ZNF717: variants seen among roughly 807,000 people sequenced by gnomAD.
ZNF717 encodes the protein zinc finger protein 717, also known as krueppel-like factor X17.
A neutral mutation model predicts 13.8 loss-of-function variants in ZNF717; 9 were observed. The ratio of observed to expected loss-of-function variants is 0.65; its 90% CI spans 0.39 to 1.14. The LOEUF (loss-of-function observed/expected upper bound fraction) is 1.14, where lower values mean the gene tolerates loss of function less well. Among genes scored for constraint, ZNF717 ranks in the 50% most tolerant of loss-of-function variants. The pLI is 0.01. For missense variants in ZNF717, 1,040 were observed against 1,080.7 expected (o/e 0.96, Z 0.53); for synonymous variants, 327 against 364.1 (o/e 0.90, Z 1.16).
At chr3:75,779,049 C>T (rs111760618) in intron 2 of ZNF717, among the ~76,000 whole-genome samples, 2,931 of 110,258 alleles carry the variant, frequency 0.027, 141 homozygotes, top group African/African-American at 0.094. Context: ...GGGAGTGATG[C>T]GCAAAAACCG....
At chr3:75,697,452 G>A (rs1284980415) in intron 6 of ZNF717, among the ~76,000 whole-genome samples, 1 of 152,286 alleles carries the variant, frequency 6.6e-6, no homozygotes, top group East Asian at 1.9e-4. Flanking sequence ...ATAATAGTAA[G>A]TGAGTTCCTA....
downstream of ZNF717, among the ~76,000 whole-genome samples, chr3:75,735,485 G>A (rs1264199923): frequency 7.6e-5 from 1 of 13,226 alleles, no homozygotes; most frequent in African/African-American, 2.9e-4. Context: ...GCCAGGTATT[G>A]TGGTGCATAC....
chr3:75,745,164 TTTTC>T (rs1284204830), intron 2 of ZNF717, among the ~76,000 whole-genome samples: 20 of 141,442 alleles, frequency 1.4e-4, no homozygotes, highest in South Asian at 6.5e-4. Context: ...TTGTTTTTTT[TTTTC>T]TTTCTGTCTT....
At chr3:75,761,178 G>C in intron 2 of ZNF717, among the ~76,000 whole-genome samples, 1 of 152,340 alleles carries the variant, frequency 6.6e-6, no homozygotes, top group Non-Finnish European at 1.5e-5. Context: ...TCCAGGTCCA[G>C]ATAACTTCAC....
chr3:75,762,809 CA>C (rs562881022), intron 2 of ZNF717, among the ~76,000 whole-genome samples: 201 of 147,152 alleles, frequency 1.4e-3, no homozygotes, highest in African/African-American at 4.0e-3. Flanking sequence ...TGCAATAAGC[CA>C]AAAAAAAAAT....
intron 4 of ZNF717, among the ~76,000 whole-genome samples, chr3:75,721,806 C>T (rs1938173008): frequency 6.6e-6 from 1 of 151,632 alleles, no homozygotes; most frequent in African/African-American, 2.4e-5. Context: ...ATGAGTTTTG[C>T]AGCCACTTTG....
At position 75,753,738 on chromosome 3, in the gene ZNF717, T is replaced by C. The variant is rs905542128; in HGVS notation, c.58-12002A>G. Among the ~76,000 whole-genome samples, 26 of 129,618 alleles carry C rather than the reference T, an allele frequency of 2.0e-4. 1 individual carries two copies. Among genetic ancestry groups the C allele is most frequent in the African/African-American group, 6.9e-4 (23 of 33,204 alleles). 85.0% of individuals were successfully genotyped at this position (129,618 alleles called of 152,430 possible). On this transcript the variant is annotated intron_variant, in intron 2 of 4. Transcript: ENST00000652011. ...GAACACTGCTGTGTGATCTGAATGT[T>C]TGTCCCTCACATAGGATTCCAGAAC...
intron 2 of ZNF717, among the ~76,000 whole-genome samples, chr3:75,778,568 G>A (rs779763826): frequency 1.3e-5 from 2 of 149,368 alleles, no homozygotes; most frequent in Non-Finnish European, 3.0e-5. Flanking sequence ...TGCTAAAACC[G>A]GAAAACAAAA....
At chr3:75,731,986 C>T, downstream of ZNF717, 2 of 693,374 alleles carry the variant, frequency 2.9e-6, no homozygotes, top group South Asian at 3.0e-5. Flanking sequence ...CTGAAGGTTC[C>T]ATATGGACAA....
At chr3:75,779,232 C>A (rs996205299) in intron 2 of ZNF717, among the ~76,000 whole-genome samples, 1 of 142,890 alleles carries the variant, frequency 7.0e-6, no homozygotes, top group Non-Finnish European at 1.5e-5. Context: ...TCTGCTAAAA[C>A]CAGAAACCCA....
chr3:75,766,922 T>C (rs1943514095), intron 2 of ZNF717, among the ~76,000 whole-genome samples: 1 of 152,280 alleles, frequency 6.6e-6, no homozygotes, highest in Non-Finnish European at 1.5e-5. Context: ...GGAACTGGAA[T>C]GTATTTGGAA....
chr3:75,764,907 C>T (rs181205741), intron 2 of ZNF717, among the ~76,000 whole-genome samples: 2,006 of 147,160 alleles, frequency 0.014, no homozygotes, highest in South Asian at 0.07. Context: ...GATATGTGCA[C>T]ACCTATGTTC....
chr3:75,726,909 T>G (rs1311919117), downstream of ZNF717, among the ~76,000 whole-genome samples: 1 of 152,194 alleles, frequency 6.6e-6, no homozygotes, highest in African/African-American at 2.4e-5. Flanking sequence ...TCCTTCCATA[T>G]GCAGTCATGT....
At chr3:75,747,234 C>T (rs1196580099) in intron 2 of ZNF717, among the ~76,000 whole-genome samples, 1 of 152,094 alleles carries the variant, frequency 6.6e-6, no homozygotes. Flanking sequence ...TGTTTTGGTA[C>T]CAGTACCATG....
chr3:75,755,961 C>CA (rs1942436790), intron 2 of ZNF717, among the ~76,000 whole-genome samples: 1 of 152,268 alleles, frequency 6.6e-6, no homozygotes, highest in Admixed American at 6.5e-5. Flanking sequence ...TATCAAAAGA[C>CA]AGACACATCT....
chr3:75,783,968 C>T (rs1944994634), intron 1 of ZNF717, among the ~76,000 whole-genome samples: 1 of 152,140 alleles, frequency 6.6e-6, no homozygotes, highest in Non-Finnish European at 1.5e-5. Flanking sequence ...TATGCTCTGA[C>T]AATAAATTGG....
At chr3:75,763,986 C>A (rs1453272232) in intron 2 of ZNF717, among the ~76,000 whole-genome samples, 3 of 152,168 alleles carry the variant, frequency 2.0e-5, no homozygotes, top group Non-Finnish European at 4.4e-5. Flanking sequence ...CAGATGGTGA[C>A]AAGTTTGCAA....
chr3:75,741,008 A>T (rs1465195511), intron 4 of ZNF717, among the ~76,000 whole-genome samples: 1 of 152,198 alleles, frequency 6.6e-6, no homozygotes, highest in African/African-American at 2.4e-5. Flanking sequence ...AGGGGGAAAC[A>T]GAGAAAATAA....
At chr3:75,770,554 C>T (rs542105764) in intron 2 of ZNF717, among the ~76,000 whole-genome samples, 1 of 152,182 alleles carries the variant, frequency 6.6e-6, no homozygotes, top group African/African-American at 2.4e-5. Flanking sequence ...GAGCGAAACT[C>T]TGTCTCAAAA....
Sources: gnomAD v4.1 joint callset for allele counts (sites outside exome capture counted in the v4.1 genomes callset) on GRCh38, gnomAD v4.1.1 for gene constraint, MANE v1.5 for transcripts, NCBI Gene and HGNC (gene_info 2026-07-23, HGNC 2026-07-21) for gene names.